Variants in GRIA1 observed in about 807,000 individuals in gnomAD.
The protein encoded by GRIA1 is glutamate receptor 1.
GRIA1 carries 31 observed loss-of-function variants against 99.2 expected under a neutral mutation model. That is an observed-to-expected ratio of 0.31 (90% CI 0.23 to 0.42). GRIA1 has a LOEUF of 0.42. GRIA1 is among the 10% of genes least tolerant of loss of function. The probability of loss-of-function intolerance (pLI) is 1.00; values close to 1 mark genes in which losing one functional copy is unlikely to be tolerated. For missense variants in GRIA1, 782 were observed against 1,157.5 expected, an observed-to-expected ratio of 0.68 and a Z score of 4.71; for synonymous variants, 438 against 432.4, an observed-to-expected ratio of 1.01 and a Z score of -0.16.
At chr5:153,700,698 C>G (rs1020246442) in intron 10 of GRIA1, among the ~76,000 whole-genome samples, 1 of 152,150 alleles carries the variant, frequency 6.6e-6, no homozygotes, top group Admixed American at 6.5e-5. Context: ...CTCATAGAAA[C>G]TAAAACACAT....
chr5:153,516,360 A>C (rs189775510), intron 2 of GRIA1, among the ~76,000 whole-genome samples: 1 of 151,942 alleles, frequency 6.6e-6, no homozygotes, highest in Admixed American at 6.6e-5. Flanking sequence ...CAGGGCTAAA[A>C]GAAATGCTCC....
At chr5:153,644,291 A>C (rs1031612693) in intron 2 of GRIA1, among the ~76,000 whole-genome samples, 1 of 152,194 alleles carries the variant, frequency 6.6e-6, no homozygotes, top group African/African-American at 2.4e-5. Context: ...TGGGCTGTGG[A>C]TAGATAGAGT....
chr5:153,756,892 A>G (rs914340570), intron 11 of GRIA1, among the ~76,000 whole-genome samples: 4 of 152,220 alleles, frequency 2.6e-5, no homozygotes, highest in Non-Finnish European at 5.9e-5. Context: ...CTAATTCTTC[A>G]ATGTAAAGAG....
At chr5:153,807,872 C>G (rs1451342924) in intron 15 of GRIA1, among the ~76,000 whole-genome samples, 1 of 152,212 alleles carries the variant, frequency 6.6e-6, no homozygotes, top group East Asian at 1.9e-4. Flanking sequence ...CCCAGCCTCT[C>G]TCACCCCCAC....
intron 2 of GRIA1, among the ~76,000 whole-genome samples, chr5:153,526,214 G>T (rs558313674): frequency 6.6e-6 from 1 of 152,168 alleles, no homozygotes; most frequent in African/African-American, 2.4e-5. Flanking sequence ...ATGTACCGCA[G>T]TTGCTCCCCA....
chr5:153,627,247 T>C (rs1359800707), intron 2 of GRIA1, among the ~76,000 whole-genome samples: 1 of 152,232 alleles, frequency 6.6e-6, no homozygotes, highest in African/African-American at 2.4e-5. Flanking sequence ...ACGTTTTACA[T>C]GCATTTGATT....
At chr5:153,717,203 G>C (rs995758184) in intron 11 of GRIA1, among the ~76,000 whole-genome samples, 5 of 152,124 alleles carry the variant, frequency 3.3e-5, no homozygotes, top group Admixed American at 3.3e-4. Context: ...AAAACCCTTT[G>C]TTACACGTAC....
At chr5:153,749,154 C>T (rs1257261858) in intron 11 of GRIA1, among the ~76,000 whole-genome samples, 2 of 152,038 alleles carry the variant, frequency 1.3e-5, no homozygotes, top group African/African-American at 2.4e-5. Flanking sequence ...GGCCTAGGAG[C>T]AAAGAGAAGT....
At chr5:153,578,148 C>CAAAAAAAAAAAA (rs60901793) in intron 2 of GRIA1, among the ~76,000 whole-genome samples, 38 of 69,300 alleles carry the variant, frequency 5.5e-4, no homozygotes, top group Non-Finnish European at 6.7e-4. Flanking sequence ...GAGACTCTGT[C>CAAAAAAAAAAAA]AAAAAAAAAA....
At chr5:153,523,918 T>C (rs1262945737) in intron 2 of GRIA1, among the ~76,000 whole-genome samples, 1 of 152,210 alleles carries the variant, frequency 6.6e-6, no homozygotes, top group Non-Finnish European at 1.5e-5. Context: ...AAGACAGCTT[T>C]GAAAAGTAAA....
chr5:153,646,144 T>C (rs1478275156), intron 2 of GRIA1, among the ~76,000 whole-genome samples: 2 of 152,238 alleles, frequency 1.3e-5, no homozygotes, highest in African/African-American at 4.8e-5. Context: ...GGCAACTGCA[T>C]TGGGATTCTA....
At chr5:153,606,164 G>A (rs899963147) in intron 2 of GRIA1, among the ~76,000 whole-genome samples, 1 of 152,072 alleles carries the variant, frequency 6.6e-6, no homozygotes, top group Non-Finnish European at 1.5e-5. Flanking sequence ...TAGATATCCA[G>A]TTGTCAGCAT....
chr5:153,515,156 C>G (rs1422011763), intron 2 of GRIA1, among the ~76,000 whole-genome samples: 2 of 151,886 alleles, frequency 1.3e-5, no homozygotes, highest in Non-Finnish European at 2.9e-5. Context: ...ATAAATATGT[C>G]AAAGAAATAT....
At chr5:153,771,094 TCTGA>T (rs901125859) in intron 13 of GRIA1, among the ~76,000 whole-genome samples, 1 of 152,196 alleles carries the variant, frequency 6.6e-6, no homozygotes, top group Non-Finnish European at 1.5e-5. Context: ...TAGATTTAAT[TCTGA>T]CTGTCTTACA....
chr5:153,763,454 C>A (rs907004493), intron 11 of GRIA1, among the ~76,000 whole-genome samples: 1 of 152,132 alleles, frequency 6.6e-6, no homozygotes, highest in African/African-American at 2.4e-5. Flanking sequence ...TCAGAACGGG[C>A]TTAAAGGTAC....
At position 153,581,001 on chromosome 5, in the gene GRIA1, C is replaced by G. The variant is rs1762998104; in HGVS notation, c.221-65927C>G. Among the ~76,000 whole-genome samples the G allele has an allele frequency of 2.6e-5, 4 of 152,148 alleles. No individual in the cohort carries two copies. The South Asian group carries it at 8.3e-4, about 32-fold the overall frequency. On this transcript the variant is annotated intron_variant, in intron 2 of 15. Coordinates refer to ENST00000285900, the MANE Select transcript of GRIA1 (RefSeq NM_000827.4). ...TCCTAAAGATGTTTCAAGAGATAACCCTTTAGAAATAACGAAGGTAGTTTA... is the reference window on the plus strand; with the variant it reads ...TCCTAAAGATGTTTCAAGAGATAACGCTTTAGAAATAACGAAGGTAGTTTA...
At chr5:153,499,698 G>A (rs1754801984) in intron 2 of GRIA1, among the ~76,000 whole-genome samples, 1 of 149,844 alleles carries the variant, frequency 6.7e-6, no homozygotes, top group African/African-American at 2.5e-5. Flanking sequence ...AACGGTAGAA[G>A]TGTCACAGTG....
At chr5:153,561,246 A>G (rs1761099151) in intron 2 of GRIA1, among the ~76,000 whole-genome samples, 1 of 152,188 alleles carries the variant, frequency 6.6e-6, no homozygotes, top group South Asian at 2.1e-4. Context: ...AATAAATCAG[A>G]GAATTGGACT....
At chr5:153,691,510 A>C (rs1283735813) in intron 8 of GRIA1, among the ~76,000 whole-genome samples, 2 of 152,162 alleles carry the variant, frequency 1.3e-5, no homozygotes, top group African/African-American at 4.8e-5. Context: ...GACCCTGTGT[A>C]TAACTAGAAT....
Sources: gnomAD v4.1 joint callset for allele counts (sites outside exome capture counted in the v4.1 genomes callset) on GRCh38, gnomAD v4.1.1 for gene constraint, MANE v1.5 for transcripts, NCBI Gene and HGNC (gene_info 2026-07-23, HGNC 2026-07-21) for gene names.